Variants in SLC44A3 observed in about 807,000 individuals in gnomAD.
SLC44A3 encodes solute carrier family 44 member 3.
In SLC44A3, 74 loss-of-function variants were observed where a neutral mutation model predicts 75.4. The observed-to-expected ratio is 0.98, with a 90% CI of 0.81 to 1.19. SLC44A3 has a LOEUF of 1.19. Among genes scored for constraint, SLC44A3 ranks in the 50% most tolerant of loss-of-function variants. SLC44A3 has a pLI of 0.00. For missense variants in SLC44A3, 700 were observed against 778.6 expected, an observed-to-expected ratio of 0.90 and a Z score of 1.20; for synonymous variants, 310 against 296.9, an observed-to-expected ratio of 1.04 and a Z score of -0.45.
intron 5 of SLC44A3, among the ~76,000 whole-genome samples, chr1:94,833,556 C>T (rs936672652): frequency 7.2e-5 from 11 of 152,264 alleles, no homozygotes; most frequent in African/African-American, 2.6e-4. Flanking sequence ...CCCTCTGCAC[C>T]CTTTGCCCTG....
chr1:94,874,702 A>G (rs1302001557), intron 12 of SLC44A3, among the ~76,000 whole-genome samples: 2 of 152,182 alleles, frequency 1.3e-5, no homozygotes, highest in Non-Finnish European at 2.9e-5. Context: ...TGTACCGGAT[A>G]CTGTGCTACT....
intron 5 of SLC44A3, among the ~76,000 whole-genome samples, chr1:94,833,116 TCTC>T (rs1487044144): frequency 2.6e-5 from 4 of 152,056 alleles, no homozygotes; most frequent in African/African-American, 9.7e-5. Context: ...CAGCCTCCCT[TCTC>T]CTCTGTTTAT....
At chr1:94,871,442 C>A (rs1376956865) in intron 12 of SLC44A3, among the ~76,000 whole-genome samples, 1 of 152,186 alleles carries the variant, frequency 6.6e-6, no homozygotes, top group African/African-American at 2.4e-5. Context: ...CCTCTCCCTC[C>A]CAGCACTTTC....
intron 9 of SLC44A3, among the ~76,000 whole-genome samples, chr1:94,856,851 C>T (rs1665936371): frequency 1.3e-5 from 2 of 152,164 alleles, no homozygotes; most frequent in Admixed American, 1.3e-4. Context: ...CTGTCTCAGC[C>T]TTCCGAATAG....
chr1:94,872,482 G>A (rs559638252), intron 12 of SLC44A3, among the ~76,000 whole-genome samples: 7 of 152,160 alleles, frequency 4.6e-5, no homozygotes, highest in Non-Finnish European at 8.8e-5. Context: ...GCAGAAGTGG[G>A]AATGGGTATA....
chr1:94,887,787 G>T (rs1669751297), intron 12 of SLC44A3, among the ~76,000 whole-genome samples: 1 of 152,166 alleles, frequency 6.6e-6, no homozygotes, highest in Non-Finnish European at 1.5e-5. Context: ...GACAGAGGCT[G>T]AGCGGCAATG....
chr1:94,839,240 C>T (rs1663236589), intron 6 of SLC44A3, among the ~76,000 whole-genome samples: 1 of 151,912 alleles, frequency 6.6e-6, no homozygotes, highest in Non-Finnish European at 1.5e-5. Flanking sequence ...AATAAGAGTA[C>T]CTTAGAACAT....
At chr1:94,820,606 G>C (rs1557788795) in intron 1 of SLC44A3, 128 bp downstream of exon 1, 1 of 1,377,222 alleles carries the variant, frequency 7.3e-7, no homozygotes. Context: ...CCCCCGCTTA[G>C]TACCTTGGGG....
At chr1:94,857,280 T>C in intron 9 of SLC44A3, 55 bp from the exon 10 acceptor site, 5 of 1,473,704 alleles carry the variant, frequency 3.4e-6, no homozygotes, top group Non-Finnish European at 4.5e-6. Flanking sequence ...TGTTGAACCA[T>C]GGTTCATGCT....
chr1:94,870,841 T>C (rs1667687030), intron 12 of SLC44A3, among the ~76,000 whole-genome samples: 1 of 152,040 alleles, frequency 6.6e-6, no homozygotes, highest in South Asian at 2.1e-4. Flanking sequence ...TGCCACCACA[T>C]GCTAAGTTTT....
At chr1:94,847,478 A>G (rs1017088518) in intron 9 of SLC44A3, among the ~76,000 whole-genome samples, 2 of 152,164 alleles carry the variant, frequency 1.3e-5, no homozygotes, top group African/African-American at 4.8e-5. Context: ...GGACACCAGG[A>G]AATGTAGTTT....
At chr1:94,840,111 A>T in intron 7 of SLC44A3, 74 bp downstream of exon 7, 1 of 1,371,602 alleles carries the variant, frequency 7.3e-7, no homozygotes, top group Non-Finnish European at 1.0e-6. Flanking sequence ...AGAACTTAAA[A>T]GTTGGCATTT....
intron 9 of SLC44A3, among the ~76,000 whole-genome samples, chr1:94,847,772 G>A (rs1664609045): frequency 6.6e-6 from 1 of 152,190 alleles, no homozygotes; most frequent in Non-Finnish European, 1.5e-5. Flanking sequence ...TTATGTTCAA[G>A]TTACAGGCAG....
chr1:94,892,444 T>C lies in SLC44A3; in HGVS notation c.1784T>C (p.Leu595Pro), dbSNP rs199682894. The change falls in exon 14 of 15, where the codon CTG (leucine) becomes CCG (proline). Residue 595 changes from leucine (L) to proline (P), a missense_variant. Transcript: ENST00000271227. Reference sequence around the variant, plus strand: ...GAAACTGTGCTGGATGCACTTTTCCTGTGTTTTGCTGTTGATCTGGAAACA... The same window carrying C: ...GAAACTGTGCTGGATGCACTTTTCCCGTGTTTTGCTGTTGATCTGGAAACA... ...VFETVLDALFLCFAVDLETND... is the reference protein window; with the variant it reads ...VFETVLDALFPCFAVDLETND... 6.2e-7 allele frequency: 1 copy of C among 1,614,236 alleles called. No individual in the cohort carries two copies. The highest frequency in any genetic ancestry group is 1.1e-5 in the South Asian group (1 of 91,088).
intron 5 of SLC44A3, among the ~76,000 whole-genome samples, chr1:94,836,205 T>C (rs1403017243): frequency 2.6e-5 from 4 of 152,214 alleles, no homozygotes; most frequent in Non-Finnish European, 5.9e-5. Flanking sequence ...TTTTAGATAA[T>C]TTGACACTTC....
At position 94,870,090 on chromosome 1, in the gene SLC44A3, A is replaced by T. The variant is rs1047297996; in HGVS notation, c.1482+2673A>T. Among the ~76,000 whole-genome samples the T allele has an allele frequency of 2.6e-5, 4 of 152,274 alleles. No individual in the cohort carries two copies. In the East Asian group the frequency reaches 7.7e-4, roughly 29 times the overall value. ...GTGAACACCCAGCCTAAGGCTGCAC[A>T]GGCATTCACTTACAAGGTGGGGAAT... On this transcript the variant is annotated intron_variant, in intron 12 of 14. Transcript: ENST00000271227.
intron 2 of SLC44A3, among the ~76,000 whole-genome samples, chr1:94,821,820 C>T (rs545727885): frequency 6.6e-6 from 1 of 152,256 alleles, no homozygotes; most frequent in African/African-American, 2.4e-5. Flanking sequence ...ATAGTAATTA[C>T]CTTTGTTGAA....
Position 94,860,617 on chromosome 1 carries a change from G to C in SLC44A3, c.1238+3117G>C, listed in dbSNP as rs115884869. Among the ~76,000 whole-genome samples, 1,101 of 152,274 alleles carry C rather than the reference G, an allele frequency of 7.2e-3. 11 individuals carry two copies. The highest frequency in any genetic ancestry group is 0.025 in the African/African-American group (1,057 of 41,556). ...AACTCTGAACCAGAAAAACAGTGAAGGAAGGCTGTAGAAGTCTAGTGAAAG... is the reference window on the plus strand; with the variant it reads ...AACTCTGAACCAGAAAAACAGTGAACGAAGGCTGTAGAAGTCTAGTGAAAG... On this transcript the variant is annotated intron_variant, in intron 10 of 14. Transcript: ENST00000271227.
chr1:94,856,303 G>A (rs764730585), intron 9 of SLC44A3, among the ~76,000 whole-genome samples: 2 of 152,118 alleles, frequency 1.3e-5, no homozygotes, highest in Non-Finnish European at 2.9e-5. Flanking sequence ...TCTAGATAAG[G>A]AATCTAAAAC....
Sources: gnomAD v4.1 joint callset for allele counts (sites outside exome capture counted in the v4.1 genomes callset) on GRCh38, gnomAD v4.1.1 for gene constraint, MANE v1.5 for transcripts, NCBI Gene and HGNC (gene_info 2026-07-23, HGNC 2026-07-21) for gene names.